The following COL4A6 variants were observed in gnomAD, a reference collection of about 807,000 sequenced individuals.
The protein encoded by COL4A6 is collagen alpha-6(IV) chain.
In COL4A6, 59 loss-of-function variants were observed where a neutral mutation model predicts 126.7. That is an observed-to-expected ratio of 0.47 (90% confidence interval 0.38 to 0.58). The LOEUF (loss-of-function observed/expected upper bound fraction) is 0.58, where lower values mean the gene tolerates loss of function less well. Ranked by LOEUF, COL4A6 falls within the 20% of genes least tolerant of loss-of-function variation. The pLI is 0.00. For synonymous variants in COL4A6, 547 were observed against 496.6 expected, an observed-to-expected ratio of 1.10 and a Z score of -1.35; for missense variants, 1,285 against 1,337.3, an observed-to-expected ratio of 0.96 and a Z score of 0.61.
At chrX:108,343,161 A>AGTGTGTGTGTG (rs1465580768) in intron 2 of COL4A6, among the ~76,000 whole-genome samples, 11 of 55,594 alleles carry the variant, frequency 2.0e-4, no homozygotes, top group African/African-American at 6.8e-4. Flanking sequence ...ATATATATAT[A>AGTGTGTGTGTG]TATAGTGTGT....
At chrX:108,406,947 G>GAAGA (rs997606039) in intron 2 of COL4A6, among the ~76,000 whole-genome samples, 6 of 111,854 alleles carry the variant, frequency 5.4e-5, no homozygotes, top group African/African-American at 2.0e-4. Context: ...TGGAAGGAAG[G>GAAGA]AAGAAAGAAA....
At chrX:108,425,027 A>AAAAT (rs1033399272) in intron 2 of COL4A6, among the ~76,000 whole-genome samples, 16 of 111,288 alleles carry the variant, frequency 1.4e-4, no homozygotes, top group Admixed American at 3.8e-4. Context: ...ACCCATAAGT[A>AAAAT]AAATAAATAA....
chrX:108,335,889 G>A (rs1320190976), intron 2 of COL4A6, among the ~76,000 whole-genome samples: 1 of 111,005 alleles, frequency 9.0e-6, no homozygotes, highest in Non-Finnish European at 1.9e-5. Flanking sequence ...CAGGCACTGT[G>A]TTGAGACTTT....
At chrX:108,163,606 G>A (rs1195891900) in intron 40 of COL4A6, 1 of 112,832 alleles carries the variant, frequency 8.9e-6, no homozygotes, top group Non-Finnish European at 1.9e-5. Context: ...TGGAGATTAT[G>A]GTCTGGTGAT....
At chrX:108,199,658 G>A (rs952591836) in intron 13 of COL4A6, among the ~76,000 whole-genome samples, 2 of 111,668 alleles carry the variant, frequency 1.8e-5, no homozygotes, top group African/African-American at 6.5e-5. Flanking sequence ...GTGCATTGTC[G>A]TCAGTCTCTT....
intron 2 of COL4A6, among the ~76,000 whole-genome samples, chrX:108,396,029 C>T (rs1157719030): frequency 4.5e-5 from 5 of 111,032 alleles, no homozygotes; most frequent in African/African-American, 1.6e-4. Flanking sequence ...TCTCCTTTTT[C>T]ACGGTACCCT....
intron 3 of COL4A6, among the ~76,000 whole-genome samples, chrX:108,265,247 T>C (rs2037269761): frequency 9.0e-6 from 1 of 111,180 alleles, no homozygotes. Context: ...GGGGGCTTGT[T>C]AAAATGCAGA....
intron 3 of COL4A6, among the ~76,000 whole-genome samples, chrX:108,251,486 T>A (rs764806843): frequency 8.9e-6 from 1 of 111,805 alleles, no homozygotes; most frequent in African/African-American, 3.2e-5. Context: ...CTACATCAGA[T>A]CCCCTTGTTA....
At chrX:108,171,537 A>C in intron 32 of COL4A6, 76 bp from the exon 33 acceptor site, 1 of 903,623 alleles carries the variant, frequency 1.1e-6, no homozygotes, top group Non-Finnish European at 1.6e-6. Context: ...TCTTTTGAAC[A>C]CATTTTTTTT....
rs762615872 is a variant in COL4A6, at chrX:108,165,454, G to A, written c.3724C>T (p.Pro1242Ser). 2 of 1,199,760 alleles carry A rather than the reference G, an allele frequency of 1.7e-6. No homozygotes were observed. Among genetic ancestry groups the A allele is most frequent in the Non-Finnish European group, 2.2e-6 (2 of 890,785 alleles). ...FPGLQGPAGLPGAPGISLPSL... is the reference protein window; with the variant it reads ...FPGLQGPAGLSGAPGISLPSL... ...GGCAAGGAGATGCCTGGGGCACCGG[G>A]GAGACCAGCAGGGCCCTGGAGACCT... is the stretch of plus-strand genomic sequence containing the variant. The change falls in exon 38 of 45, where the codon CCC becomes TCC. Residue 1242 changes from proline to serine, a missense_variant. Pro to Ser is a moderately conservative substitution (Grantham distance 74). Coordinates refer to ENST00000334504, the MANE Select transcript of COL4A6 (RefSeq NM_033641.4).
chrX:108,226,247 T>C (rs955120727), intron 3 of COL4A6, among the ~76,000 whole-genome samples: 4 of 112,475 alleles, frequency 3.6e-5, no homozygotes, highest in African/African-American at 6.5e-5. Flanking sequence ...ATTAGTTCCC[T>C]TTTTCCTTTA....
intron 23 of COL4A6, among the ~76,000 whole-genome samples, chrX:108,183,970 G>A (rs2034768728): frequency 9.0e-6 from 1 of 111,616 alleles, no homozygotes; most frequent in Admixed American, 9.5e-5. Flanking sequence ...ATTACTATGA[G>A]CATCTGGAAC....
chrX:108,395,473 A>C (rs776315704), intron 2 of COL4A6, among the ~76,000 whole-genome samples: 1 of 112,157 alleles, frequency 8.9e-6, no homozygotes, highest in South Asian at 3.7e-4. Context: ...TATAAGCAAA[A>C]ATTACAATGA....
intron 2 of COL4A6, among the ~76,000 whole-genome samples, chrX:108,348,182 A>G (rs750287232): frequency 1.8e-5 from 2 of 112,265 alleles, no homozygotes; most frequent in African/African-American, 3.2e-5. Flanking sequence ...GTACTCACAG[A>G]TAACAATCCC....
At chrX:108,172,365 G>GAAAAA (rs397935341) in intron 32 of COL4A6, 104 bp downstream of exon 32, 144 of 111,085 alleles carry the variant, frequency 1.3e-3, no homozygotes, top group Non-Finnish European at 1.6e-3. Context: ...GCCTAAAAAA[G>GAAAAA]AAAAAAAAAA....
chrX:108,238,735 G>A (rs1412977372), intron 3 of COL4A6, among the ~76,000 whole-genome samples: 1 of 109,734 alleles, frequency 9.1e-6, no homozygotes, highest in Non-Finnish European at 1.9e-5. Flanking sequence ...TGAGGTTTCT[G>A]GGTATAGGAA....
intron 3 of COL4A6, among the ~76,000 whole-genome samples, chrX:108,229,400 C>T (rs1399554453): frequency 8.9e-6 from 1 of 111,945 alleles, no homozygotes; most frequent in Non-Finnish European, 1.9e-5. Context: ...TAAGAAAATT[C>T]GAGTAGATCA....
chrX:108,359,969 G>A (rs2040046537), intron 2 of COL4A6, among the ~76,000 whole-genome samples: 1 of 111,937 alleles, frequency 8.9e-6, no homozygotes, highest in Non-Finnish European at 1.9e-5. Flanking sequence ...GGACACAGCT[G>A]GACAAAAGTC....
At chrX:108,251,245 A>G (rs2036844380) in intron 3 of COL4A6, among the ~76,000 whole-genome samples, 1 of 111,945 alleles carries the variant, frequency 8.9e-6, no homozygotes, top group Non-Finnish European at 1.9e-5. Context: ...AAAAATTGCT[A>G]TCAATCAAAC....
Sources: gnomAD v4.1 joint callset for allele counts (sites outside exome capture counted in the v4.1 genomes callset) on GRCh38, gnomAD v4.1.1 for gene constraint, MANE v1.5 for transcripts, NCBI Gene and HGNC (gene_info 2026-07-23, HGNC 2026-07-21) for gene names.